The following SLC25A21 variants were observed in gnomAD, a reference collection of about 807,000 sequenced individuals.
SLC25A21 encodes the protein mitochondrial 2-oxodicarboxylate carrier.
In SLC25A21, 47 loss-of-function variants were observed where a neutral mutation model predicts 43.8. The observed-to-expected ratio is 1.07, with a 90% CI of 0.85 to 1.37. The LOEUF (loss-of-function observed/expected upper bound fraction) is 1.37, where lower values mean the gene tolerates loss of function less well. SLC25A21 is among the 40% of genes most tolerant of loss of function. SLC25A21 has a pLI of 0.00. For synonymous variants in SLC25A21, 131 were observed against 121.3 expected, an observed-to-expected ratio of 1.08 and a Z score of -0.52; for missense variants, 352 against 350.2, an observed-to-expected ratio of 1.00 and a Z score of -0.04.
chr14:36,793,090 A>C (rs1244172513), intron 3 of SLC25A21, among the ~76,000 whole-genome samples: 3 of 152,160 alleles, frequency 2.0e-5, no homozygotes, highest in African/African-American at 4.8e-5. Flanking sequence ...TAACAAAAAT[A>C]TCATCTTTAA....
chr14:36,908,257 G>A (rs912319256), intron 1 of SLC25A21, among the ~76,000 whole-genome samples: 9 of 152,172 alleles, frequency 5.9e-5, no homozygotes, highest in Admixed American at 1.3e-4. Flanking sequence ...CAGGTTCACT[G>A]TGACAAATGT....
At chr14:37,170,474 C>T (rs1388803421) in intron 1 of SLC25A21, among the ~76,000 whole-genome samples, 1 of 152,164 alleles carries the variant, frequency 6.6e-6, no homozygotes, top group African/African-American at 2.4e-5. Context: ...TCTCTTTGGA[C>T]TAGCTGAGTT....
At chr14:37,009,905 A>C (rs556642047) in intron 1 of SLC25A21, among the ~76,000 whole-genome samples, 1 of 152,324 alleles carries the variant, frequency 6.6e-6, no homozygotes, top group East Asian at 1.9e-4. Flanking sequence ...AAAAAACTTA[A>C]GAAATTTTGA....
intron 7 of SLC25A21, among the ~76,000 whole-genome samples, chr14:36,689,688 C>T (rs1400274227): frequency 4.6e-5 from 7 of 152,124 alleles, no homozygotes; most frequent in Admixed American, 4.6e-4. Flanking sequence ...TTCCCCACAC[C>T]ACCACCATCA....
chr14:36,974,992 T>C (rs1959837129), intron 1 of SLC25A21, among the ~76,000 whole-genome samples: 1 of 152,174 alleles, frequency 6.6e-6, no homozygotes. Context: ...AACAAGAGGA[T>C]GATGACTTCC....
chr14:36,753,433 A>T (rs980394436), intron 3 of SLC25A21, among the ~76,000 whole-genome samples: 4 of 152,116 alleles, frequency 2.6e-5, no homozygotes, highest in African/African-American at 7.2e-5. Context: ...GAGAGAGAAA[A>T]TTTAAAAATG....
At chr14:36,782,804 G>T (rs1435832746) in intron 3 of SLC25A21, among the ~76,000 whole-genome samples, 150 of 146,358 alleles carry the variant, frequency 1.0e-3, no homozygotes, top group African/African-American at 3.8e-3. Context: ...GACTGTGGTG[G>T]GGTTGGGGGA....
intron 2 of SLC25A21, among the ~76,000 whole-genome samples, chr14:36,848,840 T>A (rs1047921019): frequency 2.1e-4 from 32 of 152,324 alleles, no homozygotes; most frequent in Non-Finnish European, 3.8e-4. Context: ...TTAAGTTAAA[T>A]CAGGCTGTCT....
intron 1 of SLC25A21, among the ~76,000 whole-genome samples, chr14:37,065,170 G>A (rs1962034357): frequency 6.6e-6 from 1 of 152,138 alleles, no homozygotes; most frequent in Non-Finnish European, 1.5e-5. Context: ...TGGATGAGGT[G>A]ACACTTGAGA....
intron 7 of SLC25A21, among the ~76,000 whole-genome samples, chr14:36,700,056 C>T (rs1420392586): frequency 6.6e-6 from 1 of 152,172 alleles, no homozygotes; most frequent in Non-Finnish European, 1.5e-5. Flanking sequence ...CAGACTGGAG[C>T]TGTTCCTATT....
In SLC25A21 at chr14:36,776,230, C is replaced by CTTTTTTTTTTTT. The variant is rs1328087696; in HGVS notation, c.203+37687_203+37688insAAAAAAAAAAAA. On this transcript the variant is annotated intron_variant, in intron 3 of 9. Transcript: ENST00000331299. Reference sequence around the variant, plus strand: ...ACTGCTTTCTTTTTTCTTTTTCTTTCTTTCTTTCTTTTTTTTTTTTTTTTG... The same window carrying CTTTTTTTTTTTT: ...ACTGCTTTCTTTTTTCTTTTTCTTTCTTTTTTTTTTTTTTTCTTTCTTTTTTTTTTTTTTTTG... 4.2e-3 allele frequency among the ~76,000 whole-genome samples: 300 copies of CTTTTTTTTTTTT among 70,748 alleles called. 60 individuals are homozygous for CTTTTTTTTTTTT. Among genetic ancestry groups the CTTTTTTTTTTTT allele is most frequent in the Non-Finnish European group, 4.5e-3 (182 of 40,102 alleles). 46.4% of individuals were successfully genotyped at this position (70,748 alleles called of 152,430 possible).
rs75265754 is a variant in SLC25A21, at chr14:36,929,337, C to T, written c.71-54333G>A. Reference sequence around the variant, plus strand: ...ACAAAAAGATAGAAAACTTGATTCCCACCTTAACTAGTTTTTAACAGAGCC... The same window carrying T: ...ACAAAAAGATAGAAAACTTGATTCCTACCTTAACTAGTTTTTAACAGAGCC... On this transcript the variant is annotated intron_variant, in intron 1 of 9. Coordinates refer to ENST00000331299, the MANE Select transcript of SLC25A21 (RefSeq NM_030631.4). Among the ~76,000 whole-genome samples the T allele has an allele frequency of 2.2e-3, 332 of 152,260 alleles. 1 individual carries two copies. The highest frequency in any genetic ancestry group is 3.5e-3 in the Non-Finnish European group (241 of 68,012).
At chr14:37,011,246 C>T (rs1960725341) in intron 1 of SLC25A21, among the ~76,000 whole-genome samples, 1 of 152,080 alleles carries the variant, frequency 6.6e-6, no homozygotes, top group Non-Finnish European at 1.5e-5. Context: ...TGGTCTCAAA[C>T]TCCTGCCCTC....
intron 1 of SLC25A21, among the ~76,000 whole-genome samples, chr14:36,980,963 G>A (rs1440818001): frequency 6.6e-6 from 1 of 152,130 alleles, no homozygotes; most frequent in Admixed American, 6.6e-5. Context: ...CTAATATCCA[G>A]AATCTACAAA....
chr14:36,863,044 T>C (rs1211180995), intron 2 of SLC25A21, among the ~76,000 whole-genome samples: 1 of 152,058 alleles, frequency 6.6e-6, no homozygotes, highest in Non-Finnish European at 1.5e-5. Flanking sequence ...GGGGGAGGAA[T>C]GAAGGAAACA....
chr14:36,764,089 AAGGAAGGAAGGAAGGAAG>A (rs1886284862), intron 3 of SLC25A21, among the ~76,000 whole-genome samples: 1 of 58,282 alleles, frequency 1.7e-5, no homozygotes, highest in African/African-American at 9.3e-5. Flanking sequence ...AGAAGGAAGG[AAGGAAGGAAGGAAGGAAG>A]GAAGGAAAGA....
chr14:36,762,711 T>G (rs890385533), intron 3 of SLC25A21, among the ~76,000 whole-genome samples: 3 of 152,212 alleles, frequency 2.0e-5, no homozygotes, highest in African/African-American at 7.2e-5. Flanking sequence ...TCTCTAAGTT[T>G]AGTGCCTTCA....
At chr14:36,883,237 C>A (rs1366279246) in intron 1 of SLC25A21, among the ~76,000 whole-genome samples, 1 of 152,210 alleles carries the variant, frequency 6.6e-6, no homozygotes, top group Non-Finnish European at 1.5e-5. Context: ...CTCCCCTCCA[C>A]TGGCTCTACT....
intron 7 of SLC25A21, 28 bp downstream of exon 7, chr14:36,711,290 C>A (rs1391525064): frequency 6.2e-7 from 1 of 1,606,326 alleles, no homozygotes; most frequent in African/African-American, 1.3e-5. Context: ...GATTTTTCCT[C>A]CAGGATTTTA....
Sources: allele counts gnomAD v4.1 joint callset (sites outside exome capture counted in the v4.1 genomes callset), GRCh38; gene constraint gnomAD v4.1.1; transcripts MANE v1.5; gene names NCBI Gene and HGNC (gene_info 2026-07-23, HGNC 2026-07-21).